GPHN: variants seen among roughly 807,000 people sequenced by gnomAD.
GPHN encodes gephyrin.
GPHN carries 17 observed loss-of-function variants against 95.5 expected under a neutral mutation model. The observed-to-expected ratio is 0.18, with a 90% confidence interval of 0.12 to 0.27. The LOEUF (loss-of-function observed/expected upper bound fraction) is 0.27. GPHN is among the 10% of genes least tolerant of loss of function. The probability of loss-of-function intolerance (pLI) is 1.00; values close to 1 mark genes in which losing one functional copy is unlikely to be tolerated. For synonymous variants in GPHN, 320 were observed against 322.5 expected, an observed-to-expected ratio of 0.99 and a Z score of 0.08; for missense variants, 660 against 978.1, an observed-to-expected ratio of 0.67 and a Z score of 4.34.
intron 1 of GPHN, among the ~76,000 whole-genome samples, chr14:66,532,844 TC>T (rs929847950): frequency 5.9e-5 from 9 of 152,300 alleles, no homozygotes; most frequent in African/African-American, 2.2e-4. Context: ...TGTCAACACT[TC>T]CCTAATTATT....
At chr14:67,455,097 G>A in the GPHN span, among the ~76,000 whole-genome samples, 6 of 152,290 alleles carry the variant, frequency 3.9e-5, no homozygotes, top group East Asian at 1.9e-4. Flanking sequence ...TGATCCACCC[G>A]CCTTGGCCTA....
chr14:67,561,201 A>G, the GPHN span, among the ~76,000 whole-genome samples: 1 of 152,186 alleles, frequency 6.6e-6, no homozygotes, highest in South Asian at 2.1e-4. Context: ...GTATTCTCAC[A>G]GTCCCAACCC....
intron 1 of GPHN, among the ~76,000 whole-genome samples, chr14:66,641,693 G>C (rs1160063936): frequency 6.6e-6 from 1 of 150,722 alleles, no homozygotes; most frequent in Non-Finnish European, 1.5e-5. Flanking sequence ...CATTTTTACA[G>C]CAAGAGTAAT....
At chr14:67,600,019 A>G in the GPHN span, 2 of 1,554,960 alleles carry the variant, frequency 1.3e-6, no homozygotes, top group Non-Finnish European at 1.7e-6. Context: ...CCGACTTGCC[A>G]TTACCTCGCA....
chr14:66,767,455 AAAAG>A (rs1566922495), intron 2 of GPHN, among the ~76,000 whole-genome samples: 3 of 150,458 alleles, frequency 2.0e-5, no homozygotes, highest in East Asian at 1.9e-4. Context: ...AAAAAAAAAA[AAAAG>A]AAAAGAGGGA....
intron 1 of GPHN, among the ~76,000 whole-genome samples, chr14:66,592,097 C>T (rs9950958): frequency 6.6e-6 from 1 of 152,240 alleles, no homozygotes; most frequent in African/African-American, 2.4e-5. Context: ...ACTGGCTAGC[C>T]ATATGCATAA....
the GPHN span, among the ~76,000 whole-genome samples, chr14:67,217,953 G>C: frequency 6.6e-6 from 1 of 152,136 alleles, no homozygotes; most frequent in African/African-American, 2.4e-5. Flanking sequence ...TTATTTATAT[G>C]AATGGGTCTT....
the GPHN span, among the ~76,000 whole-genome samples, chr14:67,722,154 G>A: frequency 2.2e-4 from 33 of 152,086 alleles, no homozygotes; most frequent in Admixed American, 7.2e-4. Context: ...CTCTTCTGAC[G>A]TCTCTCTCCA....
At chr14:66,704,380 T>C (rs1393027935) in intron 2 of GPHN, among the ~76,000 whole-genome samples, 1 of 152,058 alleles carries the variant, frequency 6.6e-6, no homozygotes, top group Admixed American at 6.6e-5. Context: ...CGGTGCCGCA[T>C]AGCACTTATT....
chr14:66,665,850 C>T (rs1025750757), intron 1 of GPHN, among the ~76,000 whole-genome samples: 2 of 152,240 alleles, frequency 1.3e-5, no homozygotes, highest in Middle Eastern at 3.4e-3. Context: ...TGGAACCTCC[C>T]CAAATGTCCA....
At chr14:67,618,261 C>T in the GPHN span, among the ~76,000 whole-genome samples, 4 of 152,136 alleles carry the variant, frequency 2.6e-5, no homozygotes, top group Admixed American at 1.3e-4. Flanking sequence ...GGTGCCCTAC[C>T]CCTAGAGTTA....
At chr14:67,093,845 T>TA (rs1223262000) in intron 12 of GPHN, among the ~76,000 whole-genome samples, 2 of 152,112 alleles carry the variant, frequency 1.3e-5, no homozygotes, top group Non-Finnish European at 2.9e-5. Flanking sequence ...CTTCTCTTGT[T>TA]ACCTTTCCCT....
At chr14:66,638,868 T>C (rs2064244396) in intron 1 of GPHN, among the ~76,000 whole-genome samples, 1 of 152,116 alleles carries the variant, frequency 6.6e-6, no homozygotes, top group African/African-American at 2.4e-5. Context: ...AGTCATCAGA[T>C]GACACATTCC....
In GPHN at chr14:66,508,852, C is replaced by T. The variant is rs536745958; in HGVS notation, c.64+261C>T. Among the ~76,000 whole-genome samples, 4 of 152,294 alleles carry T rather than the reference C, an allele frequency of 2.6e-5. No individual in the cohort carries two copies. The South Asian group carries it at 6.2e-4, about 24-fold the overall frequency. ...GCCTTCGGAAGCAAAGTCCTGGGCCCCCGGGGACCGAGGGGCCGGTGCGGA... is the reference window on the plus strand; with the variant it reads ...GCCTTCGGAAGCAAAGTCCTGGGCCTCCGGGGACCGAGGGGCCGGTGCGGA... On this transcript the variant is annotated intron_variant, in intron 1 of 22. Transcript: ENST00000478722.
intron 9 of GPHN, among the ~76,000 whole-genome samples, chr14:67,002,269 G>C (rs1665202994): frequency 7.0e-6 from 1 of 142,416 alleles, no homozygotes; most frequent in Admixed American, 7.0e-5. Context: ...GTTATTTAAA[G>C]ACGCACTTGA....
At chr14:66,691,820 T>A (rs2067800986) in intron 2 of GPHN, among the ~76,000 whole-genome samples, 1 of 152,174 alleles carries the variant, frequency 6.6e-6, no homozygotes. Context: ...CTTTCTCTGA[T>A]TGACATAGAA....
At chr14:67,202,883 T>C in the GPHN span, among the ~76,000 whole-genome samples, 1 of 152,232 alleles carries the variant, frequency 6.6e-6, no homozygotes, top group Non-Finnish European at 1.5e-5. Flanking sequence ...AATTGTTTAA[T>C]GTTTGCCTTC....
intron 1 of GPHN, among the ~76,000 whole-genome samples, chr14:66,627,673 A>G (rs907784979): frequency 2.0e-5 from 3 of 152,084 alleles, no homozygotes; most frequent in Admixed American, 6.5e-5. Flanking sequence ...TTCATGAGAA[A>G]TGTATGAGGT....
chr14:66,510,520 C>G lies in GPHN; in HGVS notation c.64+1929C>G, dbSNP rs566675642. On this transcript the variant is annotated intron_variant, in intron 1 of 22. Transcript: ENST00000478722. The stretch of plus-strand genomic sequence containing the variant: ...CAGTCTAATATGGATAACATTGATA[C>G]GCAAACAAATGAAGAAACATTGTAT... Among the ~76,000 whole-genome samples, 12 of 152,216 alleles carry G rather than the reference C, an allele frequency of 7.9e-5. No individual in the cohort carries two copies. In the South Asian group the frequency reaches 2.5e-3, roughly 32 times the overall value.
Sources: gnomAD v4.1 joint callset for allele counts (sites outside exome capture counted in the v4.1 genomes callset) on GRCh38, gnomAD v4.1.1 for gene constraint, MANE v1.5 for transcripts, NCBI Gene and HGNC (gene_info 2026-07-23, HGNC 2026-07-21) for gene names.